Variants in FGD5 observed in about 807,000 individuals in gnomAD.
FGD5 encodes FYVE, RhoGEF and PH domain containing 5, also known as FYVE, RhoGEF and PH domain-containing protein 5.
In FGD5, 28 loss-of-function variants were observed where a neutral mutation model predicts 133.4. The ratio of observed to expected loss-of-function variants is 0.21; its 90% CI spans 0.16 to 0.29. The LOEUF is 0.29. Ranked by LOEUF, FGD5 falls within the 10% of genes least tolerant of loss-of-function variation. The pLI is 1.00. For missense variants in FGD5, 1,858 were observed against 1,895.2 expected, an observed-to-expected ratio of 0.98 and a Z score of 0.36; for synonymous variants, 810 against 776.5, an observed-to-expected ratio of 1.04 and a Z score of -0.72.
intron 11 of FGD5, among the ~76,000 whole-genome samples, chr3:14,912,890 G>C (rs2038478095): frequency 6.6e-6 from 1 of 152,128 alleles, no homozygotes; most frequent in African/African-American, 2.4e-5. Flanking sequence ...CAAAAAATGA[G>C]CCAGGCATGG....
Position 14,924,098 on chromosome 3 carries a change from C to A in FGD5, c.4028C>A (p.Thr1343Asn), listed in dbSNP as rs556597654. 2.5e-6 allele frequency: 4 copies of A among 1,613,986 alleles called. No individual in the cohort carries two copies. The highest frequency in any genetic ancestry group is 2.2e-5 in the East Asian group (1 of 44,876). Reference sequence around the variant, plus strand: ...GTCTTCCAGAGCATTAACCCCTCGACCTTCAAGAAGCAGAAGAAAGTCCCT... The same window carrying A: ...GTCTTCCAGAGCATTAACCCCTCGAACTTCAAGAAGCAGAAGAAAGTCCCT... Reference protein sequence around the residue: ...SSVFQSINPSTFKKQKKVPSA... With the variant: ...SSVFQSINPSNFKKQKKVPSA... Residue 1343 changes from threonine to asparagine, a missense_variant, in exon 17 of 20, where the codon ACC becomes AAC. Transcript: ENST00000285046.
chr3:14,905,618 A>C (rs987226862), intron 9 of FGD5, among the ~76,000 whole-genome samples: 1 of 152,060 alleles, frequency 6.6e-6, no homozygotes, highest in Admixed American at 6.6e-5. Context: ...CAAAATTTCC[A>C]TTGGACGCTC....
At chr3:14,918,055 G>C (rs1318879274) in intron 12 of FGD5, among the ~76,000 whole-genome samples, 1 of 152,232 alleles carries the variant, frequency 6.6e-6, no homozygotes. Flanking sequence ...GATGGACACT[G>C]GTGGCTTCCA....
intron 1 of FGD5, among the ~76,000 whole-genome samples, chr3:14,840,460 AT>A (rs2036900090): frequency 6.6e-6 from 1 of 151,548 alleles, no homozygotes; most frequent in South Asian, 2.1e-4. Flanking sequence ...TTATATTTCT[AT>A]CTCCCTCCCC....
rs2038920884 is a variant in FGD5 at position 14,932,749 on chromosome 3, T to C, written c.4352+18T>C. On this transcript the variant is annotated intron_variant, in intron 19 of 19. Coordinates refer to ENST00000285046, the MANE Select transcript of FGD5 (RefSeq NM_152536.4). ...GCTCAGAGGTACGAAAAGAACTAATTAGTCTTATAGCTTTTTGTTCTCTCA... is the reference window on the plus strand; with the variant it reads ...GCTCAGAGGTACGAAAAGAACTAATCAGTCTTATAGCTTTTTGTTCTCTCA... The C allele has an allele frequency of 6.2e-7, 1 of 1,608,296 alleles. No homozygotes were observed. Among genetic ancestry groups the C allele is most frequent in the African/African-American group, 1.3e-5 (1 of 74,614 alleles).
chr3:14,924,431 G>T (rs1011500712), intron 17 of FGD5, among the ~76,000 whole-genome samples: 1 of 152,024 alleles, frequency 6.6e-6, no homozygotes. Flanking sequence ...GATCACGGGG[G>T]CTCTTCATTC....
chr3:14,870,639 C>CTG (rs929147085), intron 2 of FGD5, among the ~76,000 whole-genome samples: 4 of 152,324 alleles, frequency 2.6e-5, no homozygotes, highest in Admixed American at 2.6e-4. Flanking sequence ...ATCCTTCATT[C>CTG]TGTGCCCTCT....
chr3:14,912,570 G>C (rs1424519606), intron 11 of FGD5, among the ~76,000 whole-genome samples: 1 of 152,124 alleles, frequency 6.6e-6, no homozygotes, highest in African/African-American at 2.4e-5. Context: ...CACACCTCCA[G>C]TGTTGGGGAG....
chr3:14,845,005 G>C (rs1293545854), intron 1 of FGD5, among the ~76,000 whole-genome samples: 2 of 152,072 alleles, frequency 1.3e-5, no homozygotes, highest in Non-Finnish European at 2.9e-5. Flanking sequence ...AGGGAAAGGT[G>C]GCCACCTCAG....
intron 1 of FGD5, among the ~76,000 whole-genome samples, chr3:14,855,332 C>G (rs1161901652): frequency 2.6e-5 from 4 of 152,082 alleles, no homozygotes; most frequent in Admixed American, 6.5e-5. Flanking sequence ...GTGTAGATGT[C>G]TCCTCCATAT....
chr3:14,929,826 A>G (rs1182154305), intron 18 of FGD5, among the ~76,000 whole-genome samples: 1 of 152,230 alleles, frequency 6.6e-6, no homozygotes, highest in Non-Finnish European at 1.5e-5. Flanking sequence ...TAATGAATGA[A>G]TGAATGAATC....
intron 1 of FGD5, among the ~76,000 whole-genome samples, chr3:14,857,792 A>G (rs2037312837): frequency 6.6e-6 from 1 of 152,144 alleles, no homozygotes; most frequent in South Asian, 2.1e-4. Flanking sequence ...CTGTCAGGCT[A>G]TGGAAACACC....
In FGD5 at chr3:14,820,479, C is replaced by T. The variant is rs2036468221; in HGVS notation, c.1408C>T (p.Leu470=). 6.2e-7 allele frequency: 1 copy of T among 1,613,856 alleles called. No homozygotes were observed. The highest frequency in any genetic ancestry group is 1.7e-5 in the Admixed American group (1 of 60,012). ...EELNCEAEGG[L]VPADRKNTST... ...ATTGAACTGTGAGGCAGAGGGTGGC[C>T]TGGTTCCCGCGGACAGGAAGAACAC... Residue 470 remains leucine, a synonymous_variant, in exon 1 of 20, where the codon CTG becomes TTG. Coordinates refer to ENST00000285046, the MANE Select transcript of FGD5 (RefSeq NM_152536.4).
chr3:14,922,240 C>T lies in FGD5; in HGVS notation c.3670-171C>T. 2 of 1,123,398 alleles carry T rather than the reference C, an allele frequency of 1.8e-6. No individual in the cohort carries two copies. The highest frequency in any genetic ancestry group is 2.5e-6 in the Non-Finnish European group (2 of 794,666). 69.6% of individuals were successfully genotyped at this position (1,123,398 alleles called of 1,614,324 possible). ...CTTGTTCTCACAGTCTGGCTGTTTCCCAACCAAGGGTGAGCATCCTGGAGG... is the reference window on the plus strand; with the variant it reads ...CTTGTTCTCACAGTCTGGCTGTTTCTCAACCAAGGGTGAGCATCCTGGAGG... On this transcript the variant is annotated intron_variant, in intron 14 of 19. Coordinates refer to ENST00000285046, the MANE Select transcript of FGD5 (RefSeq NM_152536.4). This position sits in a 1 kb window ranked among gnomAD's most constrained non-coding sequence, Gnocchi z 4.1.
chr3:14,922,616 A>T lies in FGD5; in HGVS notation c.3807+68A>T. ...GTGGGGGAAGGGCATGTCCCTGCCCAGCCGGGGGCTCAGGGATGTCCAGCA... is the reference window on the plus strand; with the variant it reads ...GTGGGGGAAGGGCATGTCCCTGCCCTGCCGGGGGCTCAGGGATGTCCAGCA... On this transcript the variant is annotated intron_variant, in intron 15 of 19. Transcript: ENST00000285046. This position sits in a 1 kb window ranked among gnomAD's most constrained non-coding sequence, Gnocchi z 4.1. 1 of 1,511,638 alleles carries T rather than the reference A, an allele frequency of 6.6e-7. No homozygotes were observed. The highest frequency in any genetic ancestry group is 8.9e-7 in the Non-Finnish European group (1 of 1,127,816). 93.6% of individuals were successfully genotyped at this position (1,511,638 alleles called of 1,614,324 possible). A position where few individuals can be genotyped will look rare whatever the true frequency, so the allele number is the denominator to read the frequency against.
chr3:14,842,618 A>G (rs926863542), intron 1 of FGD5, among the ~76,000 whole-genome samples: 1 of 152,136 alleles, frequency 6.6e-6, no homozygotes, highest in Non-Finnish European at 1.5e-5. Flanking sequence ...ACTTTGTGCT[A>G]TCTGTGGGCA....
chr3:14,826,264 C>T (rs1252567372), intron 1 of FGD5, among the ~76,000 whole-genome samples: 16 of 152,108 alleles, frequency 1.1e-4, no homozygotes, highest in Non-Finnish European at 8.8e-5. Flanking sequence ...TCTCTTTCTT[C>T]CTCTCCCTCC....
intron 9 of FGD5, among the ~76,000 whole-genome samples, chr3:14,904,351 T>G (rs1019570882): frequency 1.3e-5 from 2 of 152,244 alleles, no homozygotes; most frequent in African/African-American, 4.8e-5. Flanking sequence ...CTAGTCATTA[T>G]ATATAAAGAA....
intron 4 of FGD5, among the ~76,000 whole-genome samples, chr3:14,883,553 A>C (rs1049339284): frequency 6.6e-6 from 1 of 152,154 alleles, no homozygotes; most frequent in Non-Finnish European, 1.5e-5. Flanking sequence ...TCCATTCCTC[A>C]TCTACCCATC....
Sources: gnomAD v4.1 joint callset for allele counts (sites outside exome capture counted in the v4.1 genomes callset) on GRCh38, gnomAD v4.1.1 for gene constraint, Gnocchi (gnomAD v3.1) non-coding constraint, MANE v1.5 for transcripts, NCBI Gene and HGNC (gene_info 2026-07-23, HGNC 2026-07-21) for gene names.